The following OLFM4 variants were observed in gnomAD, a reference collection of about 807,000 sequenced individuals.
OLFM4 encodes olfactomedin-4.
In OLFM4, 22 loss-of-function variants were observed where a neutral mutation model predicts 25.5. That is an observed-to-expected ratio of 0.86 (90% CI 0.62 to 1.23). OLFM4 has a LOEUF of 1.23. Among genes scored for constraint, OLFM4 ranks in the 50% most tolerant of loss-of-function variants. The pLI, the probability that OLFM4 is intolerant of heterozygous loss-of-function variation, is 0.00. For synonymous variants in OLFM4, 255 were observed against 237.7 expected (o/e 1.07, Z -0.67); for missense variants, 594 against 619.4 (o/e 0.96, Z 0.44).
intron 2 of OLFM4, among the ~76,000 whole-genome samples, chr13:53,040,698 A>G (rs1954682322): frequency 6.6e-6 from 1 of 152,240 alleles, no homozygotes. Flanking sequence ...TGTAATTCAC[A>G]GCACAACCCC....
At chr13:53,029,409 C>T (rs1056444865) in intron 1 of OLFM4, among the ~76,000 whole-genome samples, 1 of 152,140 alleles carries the variant, frequency 6.6e-6, no homozygotes, top group Non-Finnish European at 1.5e-5. Context: ...AAAAACCTCT[C>T]CCCAGGTGAT....
At chr13:53,038,577 A>T (rs1954671570) in intron 2 of OLFM4, among the ~76,000 whole-genome samples, 1 of 152,248 alleles carries the variant, frequency 6.6e-6, no homozygotes. Context: ...TATGATATTT[A>T]TAATCTCATG....
At chr13:53,046,697 G>T (rs1474483655) in intron 4 of OLFM4, among the ~76,000 whole-genome samples, 2 of 152,150 alleles carry the variant, frequency 1.3e-5, no homozygotes, top group Admixed American at 1.3e-4. Context: ...TAAACCTCCA[G>T]TTGTAACATG....
intron 2 of OLFM4, among the ~76,000 whole-genome samples, chr13:53,035,591 T>TTCC (rs2138233388): frequency 6.6e-6 from 1 of 152,358 alleles, no homozygotes; most frequent in South Asian, 2.1e-4. Flanking sequence ...ACCCTTTAAC[T>TTCC]ATCCCCACTT....
At chr13:53,029,161 T>C in intron 1 of OLFM4, 121 bp downstream of exon 1, 1 of 1,424,478 alleles carries the variant, frequency 7.0e-7, no homozygotes, top group South Asian at 1.3e-5. Flanking sequence ...CGACTCATTT[T>C]GTTAACTATA....
At chr13:53,042,293 A>C (rs9596758) in intron 3 of OLFM4, among the ~76,000 whole-genome samples, 171 bp downstream of exon 3, 332 of 152,316 alleles carry the variant, frequency 2.2e-3, no homozygotes, top group African/African-American at 7.7e-3. Context: ...CATGTGTTTG[A>C]ATAGTAAGTT....
intron 1 of OLFM4, 116 bp downstream of exon 1, chr13:53,029,156 C>A (rs1954614840): frequency 1.4e-6 from 2 of 1,458,964 alleles, no homozygotes; most frequent in African/African-American, 1.4e-5. Context: ...ATTTACGACT[C>A]ATTTTGTTAA....
In OLFM4 at chr13:53,029,042, T is replaced by C. The variant is rs1261720172; in HGVS notation, c.204+2T>C. ...GGCAGCGGAGGTTCTGTGTCCCAGGTGAGGAGGCCCCAGAATCTGAATGAG... is the reference window on the plus strand; with the variant it reads ...GGCAGCGGAGGTTCTGTGTCCCAGGCGAGGAGGCCCCAGAATCTGAATGAG... On this transcript the variant is annotated splice_donor_variant, in intron 1 of 4. Transcript: ENST00000219022. LOFTEE classifies it high-confidence loss of function. 6.2e-7 allele frequency: 1 copy of C among 1,613,940 alleles called. No individual in the cohort carries two copies. The highest frequency in any genetic ancestry group is 1.7e-5 in the Admixed American group (1 of 60,020).
intron 4 of OLFM4, among the ~76,000 whole-genome samples, chr13:53,044,882 A>G (rs555069958): frequency 2.6e-5 from 4 of 152,246 alleles, no homozygotes; most frequent in African/African-American, 9.6e-5. Context: ...CGAGCTCCCC[A>G]ACACCCCTTG....
At chr13:53,029,735 G>A (rs1412912211) in intron 1 of OLFM4, among the ~76,000 whole-genome samples, 1 of 152,190 alleles carries the variant, frequency 6.6e-6, no homozygotes, top group East Asian at 1.9e-4. Context: ...ACCATTTCCA[G>A]CTCCAAACAA....
At position 53,050,129 on chromosome 13, in the gene OLFM4, G is replaced by C; in HGVS notation, c.891G>C (p.Gly297=). The C allele has an allele frequency of 6.2e-7, 1 of 1,613,952 alleles. No homozygotes were observed. Among genetic ancestry groups the C allele is most frequent in the Non-Finnish European group, 8.5e-7 (1 of 1,179,916 alleles). The change falls in exon 5 of 5, where the codon GGG becomes GGC. Residue 297 remains glycine, a synonymous_variant. Coordinates refer to ENST00000219022, the MANE Select transcript of OLFM4 (RefSeq NM_006418.5). ...GGGTGGCGCCATTGAATACAGATGGGAGACTGTTGGAGTATTATAGACTGT... is the reference window on the plus strand; with the variant it reads ...GGGTGGCGCCATTGAATACAGATGGCAGACTGTTGGAGTATTATAGACTGT... ...LYWVAPLNTD[G]RLLEYYRLYN...
chr13:53,050,692 C>A lies in OLFM4; in HGVS notation c.1454C>A (p.Pro485His). 1.2e-6 allele frequency: 2 copies of A among 1,613,578 alleles called. No homozygotes were observed. The highest frequency in any genetic ancestry group is 1.7e-6 in the Non-Finnish European group (2 of 1,179,828). ...AAAGTGCAGAGCATTAACTATAACC[C>A]TTTTGACCAGAAACTTTATGTCTAT... ...QEKVQSINYN[P>H]FDQKLYVYND... The change falls in exon 5 of 5, where the codon CCT becomes CAT. Residue 485 changes from proline to histidine, a missense_variant. Pro to His is a moderately conservative substitution (Grantham distance 77). Coordinates refer to ENST00000219022, the MANE Select transcript of OLFM4 (RefSeq NM_006418.5).
intron 4 of OLFM4, among the ~76,000 whole-genome samples, chr13:53,044,681 G>C (rs1402345721): frequency 6.6e-6 from 1 of 152,096 alleles, no homozygotes; most frequent in Non-Finnish European, 1.5e-5. Flanking sequence ...TTGAACAACT[G>C]TTCAAATTTC....
intron 4 of OLFM4, among the ~76,000 whole-genome samples, chr13:53,047,182 T>C (rs937787291): frequency 2.6e-5 from 4 of 152,064 alleles, no homozygotes; most frequent in African/African-American, 7.2e-5. Context: ...CAGGGTGAAA[T>C]TGGGATGGAA....
At chr13:53,030,865 G>A (rs1954625479) in intron 1 of OLFM4, among the ~76,000 whole-genome samples, 1 of 152,172 alleles carries the variant, frequency 6.6e-6, no homozygotes, top group Non-Finnish European at 1.5e-5. Context: ...AGGATTCTTT[G>A]CAGTCAGAAA....
intron 4 of OLFM4, among the ~76,000 whole-genome samples, chr13:53,046,589 AT>A (rs1436759296): frequency 6.6e-6 from 1 of 152,156 alleles, no homozygotes; most frequent in Non-Finnish European, 1.5e-5. Context: ...CACAAACATA[AT>A]TTGGTGCCAC....
Position 53,028,958 on chromosome 13 carries a change from A to ACTCCAG in OLFM4, c.131_136dup (p.Ser44_Ser45dup). Reference sequence around the variant, plus strand: ...GGCTTCAGCTCTTTCCCAGGTGTTGACTCCAGCTCCAGCTTCAGCTCCAGC... The same window carrying ACTCCAG: ...GGCTTCAGCTCTTTCCCAGGTGTTGACTCCAGCTCCAGCTCCAGCTTCAGCTCCAGC... On this transcript the variant is annotated inframe_insertion, in exon 1 of 5. Coordinates refer to ENST00000219022, the MANE Select transcript of OLFM4 (RefSeq NM_006418.5). 6.2e-7 allele frequency: 1 copy of ACTCCAG among 1,613,832 alleles called. No individual in the cohort carries two copies. Among genetic ancestry groups the ACTCCAG allele is most frequent in the Non-Finnish European group, 8.5e-7 (1 of 1,179,962 alleles).
chr13:53,041,164 A>T (rs1182578092), intron 2 of OLFM4, among the ~76,000 whole-genome samples: 1 of 152,200 alleles, frequency 6.6e-6, no homozygotes, highest in Non-Finnish European at 1.5e-5. Context: ...ATAAAGATAC[A>T]TGGGCGTGTG....
intron 2 of OLFM4, among the ~76,000 whole-genome samples, chr13:53,035,122 C>T (rs1566315957): frequency 6.6e-6 from 1 of 151,544 alleles, no homozygotes; most frequent in Non-Finnish European, 1.5e-5. Flanking sequence ...TCCACTTCCA[C>T]TCCTTCAAAT....
Sources: allele counts gnomAD v4.1 joint callset (sites outside exome capture counted in the v4.1 genomes callset), GRCh38; gene constraint gnomAD v4.1.1; transcripts MANE v1.5; gene names NCBI Gene and HGNC (gene_info 2026-07-23, HGNC 2026-07-21).